The following TSPAN1 variants were observed in gnomAD, a reference collection of about 807,000 sequenced individuals.
TSPAN1 encodes tetraspanin 1.
Under a neutral mutation model 26.9 loss-of-function variants are expected in TSPAN1, and 23 were observed. The observed-to-expected ratio is 0.85, with a 90% CI of 0.62 to 1.21. The LOEUF is 1.21. Among genes scored for constraint, TSPAN1 ranks in the 50% most tolerant of loss-of-function variants. The pLI is 0.00. For synonymous variants in TSPAN1, 115 were observed against 114.8 expected (o/e 1.00, Z -0.01); for missense variants, 283 against 298.4 (o/e 0.95, Z 0.38).
At chr1:46,177,845 G>A (rs1657218962) in intron 1 of TSPAN1, among the ~76,000 whole-genome samples, 1 of 152,134 alleles carries the variant, frequency 6.6e-6, no homozygotes, top group Non-Finnish European at 1.5e-5. Context: ...GAATAAGGAG[G>A]ATCCACTGTA....
downstream of TSPAN1, chr1:46,189,111 CA>C: frequency 1.3e-6 from 2 of 1,494,756 alleles, no homozygotes; most frequent in South Asian, 2.8e-5. Flanking sequence ...GGTGTTGGAG[CA>C]GGGGAACCCT....
chr1:46,194,292 G>A, the TSPAN1 span: 7 of 1,614,060 alleles, frequency 4.3e-6, no homozygotes, highest in African/African-American at 1.3e-5. Flanking sequence ...GGCTGAACTC[G>A]ATGGGTGTGG....
downstream of TSPAN1, chr1:46,188,593 TA>T: frequency 6.9e-7 from 1 of 1,456,500 alleles, no homozygotes. Context: ...TGGAGGACAG[TA>T]AGGAAAACTC....
At chr1:46,185,465 T>A (rs754716109) in intron 8 of TSPAN1, 21 bp from the exon 9 acceptor site, 1 of 1,614,124 alleles carries the variant, frequency 6.2e-7, no homozygotes, top group Non-Finnish European at 8.5e-7. Context: ...CCCTCATCTC[T>A]CCCTGTTCCT....
intron 1 of TSPAN1, chr1:46,175,691 T>G (rs1657119831): frequency 2.5e-6 from 1 of 399,854 alleles, no homozygotes; most frequent in South Asian, 1.3e-4. Flanking sequence ...GTTCCCTGCC[T>G]CTTGGATTCA....
chr1:46,196,197 C>G, the TSPAN1 span: 44 of 1,559,672 alleles, frequency 2.8e-5, no homozygotes, highest in Non-Finnish European at 3.6e-5. The surrounding 1 kb of genome is among the most constrained non-coding windows in gnomAD (Gnocchi z 4.4). Context: ...TTTCTGTTCA[C>G]ACAGTTCTTT....
downstream of TSPAN1, chr1:46,190,685 A>G (rs758346135): frequency 6.3e-7 from 1 of 1,586,006 alleles, no homozygotes; most frequent in Non-Finnish European, 8.7e-7. Flanking sequence ...CAAATCTCCT[A>G]GATATCCACC....
At chr1:46,190,397 CT>C (rs1657668302), downstream of TSPAN1, 13 of 1,506,528 alleles carry the variant, frequency 8.6e-6, no homozygotes, top group Non-Finnish European at 1.2e-5. Flanking sequence ...GCACAGGACC[CT>C]GTAAATTATG....
the TSPAN1 span, chr1:46,193,499 G>A: frequency 2.5e-5 from 40 of 1,613,316 alleles, no homozygotes; most frequent in Admixed American, 3.3e-5. Flanking sequence ...TCCCTTGCCC[G>A]TCCCTGGCAA....
chr1:46,186,187 T>C (rs1657424221), downstream of TSPAN1, among the ~76,000 whole-genome samples: 1 of 152,124 alleles, frequency 6.6e-6, no homozygotes, highest in Non-Finnish European at 1.5e-5. Flanking sequence ...GTCTGCCTCC[T>C]TATAAAGGGG....
chr1:46,178,292 G>A (rs1191487821), intron 1 of TSPAN1, among the ~76,000 whole-genome samples: 4 of 151,858 alleles, frequency 2.6e-5, no homozygotes, highest in African/African-American at 4.8e-5. Context: ...GGGAGGCGGA[G>A]GTTGCAGTGA....
At chr1:46,189,655 T>G (rs1657595810), downstream of TSPAN1, 1 of 1,531,156 alleles carries the variant, frequency 6.5e-7, no homozygotes, top group African/African-American at 1.4e-5. Flanking sequence ...CCCCCACCCC[T>G]CCTCAGAAAC....
intron 3 of TSPAN1, among the ~76,000 whole-genome samples, chr1:46,182,507 C>T (rs956127452): frequency 1.4e-4 from 21 of 151,572 alleles, no homozygotes; most frequent in Non-Finnish European, 1.9e-4. Context: ...CTCAGGAGTT[C>T]GAGACCAGCC....
At chr1:46,186,546 AATGGTGTGATCTCGGCTC>A (rs2148150259), downstream of TSPAN1, among the ~76,000 whole-genome samples, 2 of 143,296 alleles carry the variant, frequency 1.4e-5, 1 homozygote, top group Admixed American at 1.4e-4. Context: ...GCTGGAGTGC[AATGGTGTGATCTCGGCTC>A]ACTGCGGACT....
chr1:46,191,711 A>T, the TSPAN1 span: 1 of 334,286 alleles, frequency 3.0e-6, no homozygotes, highest in South Asian at 2.4e-5. Context: ...CTTGGCTCAC[A>T]GCAAGCTTCG....
In TSPAN1 at chr1:46,184,894, C is replaced by T. The variant is rs1657393792; in HGVS notation, c.438+11C>T. ...ACCACCATGAAAGGGGTAAGGTTGG[C>T]TGGGGGAGGTTTTAGGGTGGAGAGA... On this transcript the variant is annotated intron_variant, in intron 6 of 8. Transcript: ENST00000372003. 6.2e-7 allele frequency: 1 copy of T among 1,614,068 alleles called. No individual in the cohort carries two copies. Among genetic ancestry groups the T allele is most frequent in the Admixed American group, 1.7e-5 (1 of 59,988 alleles).
rs1232499106 is a variant in TSPAN1, at chr1:46,175,870, TG to T, written c.-142+463del. 31 of 404,234 alleles carry T rather than the reference TG, an allele frequency of 7.7e-5. 1 individual carries two copies. Among genetic ancestry groups the T allele is most frequent in the Admixed American group, 3.9e-4 (9 of 23,278 alleles). 25.0% of individuals were successfully genotyped at this position (404,234 alleles called of 1,614,324 possible). ...CAGGTAGGGAAATCTTCACTGGCTC[TG>T]GTTTTTTTTTTTTTTTCTTGAGACA... On this transcript the variant is annotated intron_variant, in intron 1 of 8. Coordinates refer to ENST00000372003, the MANE Select transcript of TSPAN1 (RefSeq NM_005727.4).
chr1:46,194,324 T>C, the TSPAN1 span: 1 of 1,614,160 alleles, frequency 6.2e-7, no homozygotes, highest in Non-Finnish European at 8.5e-7. Flanking sequence ...CTGCATACAC[T>C]TCCATAGCCC....
chr1:46,190,570 T>G (rs1657686072), downstream of TSPAN1: 30 of 1,543,672 alleles, frequency 1.9e-5, no homozygotes, highest in South Asian at 3.2e-4. Flanking sequence ...TCAGGTCCCA[T>G]GGGTAGCACT....
Sources: gnomAD v4.1 joint callset for allele counts (sites outside exome capture counted in the v4.1 genomes callset) on GRCh38, gnomAD v4.1.1 for gene constraint, Gnocchi (gnomAD v3.1) non-coding constraint, MANE v1.5 for transcripts, NCBI Gene and HGNC (gene_info 2026-07-23, HGNC 2026-07-21) for gene names.